The following ZNF398 variants were observed in gnomAD, a reference collection of about 807,000 sequenced individuals.
The protein encoded by ZNF398 is zinc finger protein 398, also known as zinc finger DNA binding protein ZER6.
A neutral mutation model predicts 41.9 loss-of-function variants in ZNF398; 18 were observed. That is an observed-to-expected ratio of 0.43 (90% confidence interval 0.30 to 0.64). The LOEUF is 0.64. Among genes scored for constraint, ZNF398 ranks in the 30% least tolerant of loss-of-function variants. ZNF398 has a pLI of 0.14. For synonymous variants in ZNF398, 260 were observed against 308.8 expected (o/e 0.84, Z 1.66); for missense variants, 669 against 822.8 (o/e 0.81, Z 2.29).
chr7:149,134,449 G>A (rs1179380197), intron 2 of ZNF398, among the ~76,000 whole-genome samples: 2 of 151,464 alleles, frequency 1.3e-5, no homozygotes, highest in East Asian at 2.0e-4. Flanking sequence ...GTGCAGTGGT[G>A]TGATAATAGC....
At chr7:149,150,854 G>C (rs1416846489) in intron 1 of ZNF398, among the ~76,000 whole-genome samples, 1 of 152,012 alleles carries the variant, frequency 6.6e-6, no homozygotes. Context: ...GGATTACATG[G>C]CTTGCCACCA....
Position 149,147,825 on chromosome 7 carries a change from A to AGGCG in ZNF398, c.24+67_24+70dup. ...CCGAGACCCAGACCCCGAGGGAGGA[A>AGGCG]GGCGGGCGGGCAGGGAGCTGCCAGG... On this transcript the variant is annotated intron_variant, in intron 1 of 5. Transcript: ENST00000475153. This position sits in a 1 kb window ranked among gnomAD's most constrained non-coding sequence, Gnocchi z 5.6. 7.5e-7 allele frequency: 1 copy of AGGCG among 1,324,546 alleles called. No homozygotes were observed. Among genetic ancestry groups the AGGCG allele is most frequent in the Non-Finnish European group, 9.7e-7 (1 of 1,033,740 alleles). The allele number at this position is 1,324,546 out of a possible 1,614,324, so 82.0% of individuals were successfully genotyped here. A position where few individuals can be genotyped will look rare whatever the true frequency, so the allele number is the denominator to read the frequency against.
At position 149,179,794 on chromosome 7, in the gene ZNF398, T is replaced by C. The variant is rs1300489654; in HGVS notation, c.1922T>C (p.Val641Ala). 1 of 1,569,098 alleles carries C rather than the reference T, an allele frequency of 6.4e-7. No individual in the cohort carries two copies. The highest frequency in any genetic ancestry group is 2.3e-5 in the East Asian group (1 of 44,298). ...QWYGEGSGGG[V>A]L ...TATGGGGAAGGGAGTGGAGGGGGAG[T>C]TTTGTAAATCCAAATCTCTGTGGCT... The change falls in exon 6 of 6, where the codon GTT becomes GCT. Residue 641 changes from valine to alanine, a missense_variant. Transcript: ENST00000475153. This position sits in a 1 kb window ranked among gnomAD's most constrained non-coding sequence, Gnocchi z 6.1.
At position 149,147,828 on chromosome 7, in the gene ZNF398, CG is replaced by C; in HGVS notation, c.24+65del. 1 of 1,323,278 alleles carries C rather than the reference CG, an allele frequency of 7.6e-7. No homozygotes were observed. The highest frequency in any genetic ancestry group is 9.7e-7 in the Non-Finnish European group (1 of 1,032,984). The allele number at this position is 1,323,278 out of a possible 1,614,324, so 82.0% of individuals were successfully genotyped here. Reference sequence around the variant, plus strand: ...AGACCCAGACCCCGAGGGAGGAAGGCGGGCGGGCAGGGAGCTGCCAGGCATA... The same window carrying C: ...AGACCCAGACCCCGAGGGAGGAAGGCGGCGGGCAGGGAGCTGCCAGGCATA... On this transcript the variant is annotated intron_variant, in intron 1 of 5. Coordinates refer to ENST00000475153, the MANE Select transcript of ZNF398 (RefSeq NM_170686.3). The surrounding 1 kb of genome is among the most constrained non-coding windows in gnomAD (Gnocchi z 5.6).
intron 2 of ZNF398, among the ~76,000 whole-genome samples, chr7:149,160,901 C>T (rs1240409081): frequency 6.6e-6 from 1 of 151,674 alleles, no homozygotes; most frequent in Non-Finnish European, 1.5e-5. Flanking sequence ...ACTTAGTAAA[C>T]AGTAAAGATT....
At chr7:149,132,915 T>A (rs1826628111) in intron 2 of ZNF398, among the ~76,000 whole-genome samples, 1 of 152,112 alleles carries the variant, frequency 6.6e-6, no homozygotes, top group Admixed American at 6.6e-5. Context: ...AGGCTCCTTG[T>A]TAGAAAGTAA....
chr7:149,152,295 CTG>C (rs1352532798), intron 1 of ZNF398, among the ~76,000 whole-genome samples: 1 of 144,656 alleles, frequency 6.9e-6, no homozygotes, highest in Non-Finnish European at 1.5e-5. Flanking sequence ...GAGTTTCACT[CTG>C]TCACCCAGGC....
At chr7:149,143,642 C>T (rs1261438632), upstream of ZNF398, among the ~76,000 whole-genome samples, 1 of 152,134 alleles carries the variant, frequency 6.6e-6, no homozygotes, top group Non-Finnish European at 1.5e-5. Flanking sequence ...GGTGATACCT[C>T]GTCTCTACTT....
chr7:149,166,801 C>T lies in ZNF398; in HGVS notation c.548-16C>T, dbSNP rs751430993. On this transcript the variant is annotated splice_polypyrimidine_tract_variant and intron_variant, in intron 3 of 5. Coordinates refer to ENST00000475153, the MANE Select transcript of ZNF398 (RefSeq NM_170686.3). ...TATCTCTTTGTAATACTCTCTCTTC[C>T]TTTTTCCTCTCCTAGATTATGCTAT... 26 of 1,568,908 alleles carry T rather than the reference C, an allele frequency of 1.7e-5. No individual in the cohort carries two copies. The South Asian group carries it at 2.2e-4, about 14-fold the overall frequency.
At chr7:149,169,298 C>T (rs892054561) in intron 4 of ZNF398, among the ~76,000 whole-genome samples, 9 of 151,188 alleles carry the variant, frequency 6.0e-5, no homozygotes, top group African/African-American at 1.7e-4. Flanking sequence ...TTGGCCAGGC[C>T]GGTCTTGAAC....
intron 2 of ZNF398, among the ~76,000 whole-genome samples, chr7:149,131,178 T>C (rs1281780496): frequency 6.6e-6 from 1 of 152,182 alleles, no homozygotes; most frequent in Non-Finnish European, 1.5e-5. Flanking sequence ...TATAGGGCAA[T>C]TGGGTCTGTT....
chr7:149,160,918 C>T (rs1304850793), intron 2 of ZNF398, among the ~76,000 whole-genome samples: 2 of 152,044 alleles, frequency 1.3e-5, no homozygotes, highest in Non-Finnish European at 2.9e-5. Context: ...GATTTTTAGA[C>T]TGAGGGGGCT....
At chr7:149,155,730 A>ATTTTTTTTT (rs148643688) in intron 2 of ZNF398, among the ~76,000 whole-genome samples, 1 of 92,392 alleles carries the variant, frequency 1.1e-5, no homozygotes, top group African/African-American at 4.3e-5. Flanking sequence ...TTTTTTTTTT[A>ATTTTTTTTT]ATTTTTTTTT....
chr7:149,138,277 A>G (rs2129519483), intron 2 of ZNF398, among the ~76,000 whole-genome samples: 1 of 150,152 alleles, frequency 6.7e-6, no homozygotes, highest in Middle Eastern at 3.7e-3. Flanking sequence ...TAACAAAGGC[A>G]GGTTTCAAAA....
intron 2 of ZNF398, among the ~76,000 whole-genome samples, chr7:149,131,710 CAAAA>C (rs1826599105): frequency 6.6e-6 from 1 of 151,968 alleles, no homozygotes; most frequent in Non-Finnish European, 1.5e-5. Context: ...AACAAACAAA[CAAAA>C]AACATATGCA....
At chr7:149,145,938 G>T, upstream of ZNF398, among the ~76,000 whole-genome samples, 1 of 109,556 alleles carries the variant, frequency 9.1e-6, no homozygotes, top group African/African-American at 2.9e-5. Flanking sequence ...TGTTCTCGCA[G>T]GTCCTTTTTT....
chr7:149,152,860 C>CTTT (rs752636514), intron 1 of ZNF398, among the ~76,000 whole-genome samples: 2 of 138,018 alleles, frequency 1.4e-5, no homozygotes, highest in Non-Finnish European at 3.2e-5. Flanking sequence ...TGCCCAGCCT[C>CTTT]TTTTTTTTTT....
At position 149,147,526 on chromosome 7, in the gene ZNF398, C is replaced by T; in HGVS notation, c.-217C>T. On this transcript the variant is annotated 5_prime_UTR_variant, in exon 1 of 6. Coordinates refer to ENST00000475153, the MANE Select transcript of ZNF398 (RefSeq NM_170686.3). This position sits in a 1 kb window ranked among gnomAD's most constrained non-coding sequence, Gnocchi z 5.6. ...TGCGGCGGAGTCGGCCTCGCGACCC[C>T]AGCTTGATCCGCCGCCTGCTGCACC... The T allele has an allele frequency of 2.7e-6, 1 of 371,538 alleles. No homozygotes were observed. 23.0% of individuals were successfully genotyped at this position (371,538 alleles called of 1,614,324 possible). A position where few individuals can be genotyped will look rare whatever the true frequency, so the allele number is the denominator to read the frequency against.
chr7:149,131,379 G>A (rs1011761159), intron 2 of ZNF398, among the ~76,000 whole-genome samples: 1 of 152,052 alleles, frequency 6.6e-6, no homozygotes, highest in African/African-American at 2.4e-5. Context: ...ATTTTACTAT[G>A]GGCAATTCTT....
Sources: allele counts gnomAD v4.1 joint callset (sites outside exome capture counted in the v4.1 genomes callset), GRCh38; gene constraint gnomAD v4.1.1; non-coding constraint Gnocchi (gnomAD v3.1); transcripts MANE v1.5; gene names NCBI Gene and HGNC (gene_info 2026-07-23, HGNC 2026-07-21).